PHACTR3: variants seen among roughly 807,000 people sequenced by gnomAD.
PHACTR3 encodes protein phosphatase 1, regulatory subunit 123.
Under a neutral mutation model 66.8 loss-of-function variants are expected in PHACTR3, and 16 were observed. The ratio of observed to expected loss-of-function variants is 0.24; its 90% confidence interval spans 0.16 to 0.36. PHACTR3 has a LOEUF of 0.36. Ranked by LOEUF, PHACTR3 falls within the 10% of genes least tolerant of loss-of-function variation. The probability of loss-of-function intolerance (pLI) is 1.00; values close to 1 mark genes in which losing one functional copy is unlikely to be tolerated. For missense variants in PHACTR3, 647 were observed against 719.9 expected, an observed-to-expected ratio of 0.90 and a Z score of 1.16; for synonymous variants, 323 against 292.1, an observed-to-expected ratio of 1.11 and a Z score of -1.08.
chr20:59,684,848 A>G (rs2036799209), intron 1 of PHACTR3, among the ~76,000 whole-genome samples: 1 of 152,210 alleles, frequency 6.6e-6, no homozygotes, highest in African/African-American at 2.4e-5. Flanking sequence ...GCTGAACACA[A>G]ACTGCTGGGC....
intron 4 of PHACTR3, among the ~76,000 whole-genome samples, chr20:59,760,481 A>G (rs927469525): frequency 2.0e-5 from 3 of 152,090 alleles, no homozygotes; most frequent in African/African-American, 4.8e-5. Context: ...TACTGTTCTC[A>G]TGGTAGTGAA....
rs192395087 is a variant in PHACTR3, at chr20:59,653,111, T to C, written c.118+47979T>C. ...ATTCAAAAAATTAAAAGGGAAAATATTCTTATAATTGAAGACAGATGGAAA... is the reference window on the plus strand; with the variant it reads ...ATTCAAAAAATTAAAAGGGAAAATACTCTTATAATTGAAGACAGATGGAAA... On this transcript the variant is annotated intron_variant, in intron 1 of 12. Transcript: ENST00000371015. Among the ~76,000 whole-genome samples, 4 of 152,306 alleles carry C rather than the reference T, an allele frequency of 2.6e-5. No homozygotes were observed. The East Asian group carries it at 7.7e-4, about 29-fold the overall frequency.
Position 59,808,391 on chromosome 20 carries a change from G to A in PHACTR3, c.1328+2197G>A, listed in dbSNP as rs115599765. Among the ~76,000 whole-genome samples the A allele has an allele frequency of 5.7e-3, 871 of 152,314 alleles. 9 individuals carry two copies. The highest frequency in any genetic ancestry group is 0.02 in the African/African-American group (825 of 41,554). The stretch of plus-strand genomic sequence containing the variant: ...TGGCAGGCTAACGTGTCTCGTGTGC[G>A]GTAGGAGAGGAAATTCTGATAAAGC... On this transcript the variant is annotated intron_variant, in intron 8 of 12. Coordinates refer to ENST00000371015, the MANE Select transcript of PHACTR3 (RefSeq NM_080672.5).
intron 1 of PHACTR3, chr20:59,676,670 G>A (rs1021384171): frequency 4.1e-6 from 4 of 984,958 alleles, no homozygotes; most frequent in Non-Finnish European, 4.8e-6. Context: ...GACCTTTCAG[G>A]GAGATTTGAG....
At chr20:59,774,842 T>C (rs2040474430) in intron 7 of PHACTR3, among the ~76,000 whole-genome samples, 1 of 151,088 alleles carries the variant, frequency 6.6e-6, no homozygotes, top group South Asian at 2.1e-4. Context: ...CAGTATATAG[T>C]TGGTGTACAG....
intron 1 of PHACTR3, chr20:59,577,754 C>T: frequency 1.9e-6 from 1 of 520,822 alleles, no homozygotes; most frequent in Non-Finnish European, 2.7e-6. Flanking sequence ...GCTGCGCCCC[C>T]AGCCACAGAG....
intron 1 of PHACTR3, among the ~76,000 whole-genome samples, chr20:59,611,732 C>T (rs2033854422): frequency 6.6e-6 from 1 of 152,220 alleles, no homozygotes; most frequent in Non-Finnish European, 1.5e-5. Flanking sequence ...TCCACCCAGC[C>T]TCGGATGTTG....
chr20:59,737,700 C>G (rs1365300390), intron 1 of PHACTR3, among the ~76,000 whole-genome samples: 4 of 152,164 alleles, frequency 2.6e-5, no homozygotes, highest in Non-Finnish European at 5.9e-5. Context: ...TACCTTTATT[C>G]ATTGTTCATC....
chr20:59,693,441 T>A (rs1454356111), intron 1 of PHACTR3, among the ~76,000 whole-genome samples: 1 of 152,168 alleles, frequency 6.6e-6, no homozygotes, highest in Non-Finnish European at 1.5e-5. Context: ...ATGTTTGACT[T>A]CACATCTATT....
intron 1 of PHACTR3, among the ~76,000 whole-genome samples, chr20:59,649,261 A>G (rs1172801943): frequency 6.6e-6 from 1 of 152,210 alleles, no homozygotes; most frequent in East Asian, 1.9e-4. Context: ...GGTTAGGGCA[A>G]AACAACTCTA....
intron 1 of PHACTR3, among the ~76,000 whole-genome samples, chr20:59,609,294 C>T (rs1424469815): frequency 2.0e-5 from 3 of 152,112 alleles, no homozygotes; most frequent in African/African-American, 7.2e-5. Context: ...TCTTTTATGC[C>T]ACTCTGCCAG....
At chr20:59,677,957 A>G (rs1601080623) in intron 1 of PHACTR3, among the ~76,000 whole-genome samples, 1 of 152,196 alleles carries the variant, frequency 6.6e-6, no homozygotes, top group Non-Finnish European at 1.5e-5. Flanking sequence ...CTCTCAGCAG[A>G]AGGAAGCATT....
intron 1 of PHACTR3, among the ~76,000 whole-genome samples, chr20:59,706,111 T>C (rs2037691608): frequency 6.6e-6 from 1 of 152,238 alleles, no homozygotes; most frequent in Non-Finnish European, 1.5e-5. Flanking sequence ...ATTAACTCAA[T>C]GGCCTCCAGA....
chr20:59,582,982 G>A (rs942667627), intron 1 of PHACTR3, among the ~76,000 whole-genome samples: 3 of 152,036 alleles, frequency 2.0e-5, no homozygotes, highest in East Asian at 3.9e-4. Context: ...TCTGCCTCGA[G>A]TTTAGAGTGA....
chr20:59,676,885 C>CTTT, intron 1 of PHACTR3: 2 of 160,602 alleles, frequency 1.2e-5, no homozygotes, highest in Non-Finnish European at 1.8e-5. Flanking sequence ...AAGAGAATGG[C>CTTT]TTTTTTTTTT....
rs34134572 is a variant in PHACTR3, at chr20:59,707,457, CTTTTT to C, written c.119-35633_119-35629del. The stretch of plus-strand genomic sequence containing the variant: ...CTTCTTTCTCTCTCTTGCTCCCACT[CTTTTT>C]TTTTTTTTTTTTTTTTGAGGCGGAG... On this transcript the variant is annotated intron_variant, in intron 1 of 12. Coordinates refer to ENST00000371015, the MANE Select transcript of PHACTR3 (RefSeq NM_080672.5). Among the ~76,000 whole-genome samples, 11 of 100,412 alleles carry C rather than the reference CTTTTT, an allele frequency of 1.1e-4. No individual in the cohort carries two copies. In the South Asian group the frequency reaches 2.9e-3, roughly 26 times the overall value. 65.9% of individuals were successfully genotyped at this position (100,412 alleles called of 152,430 possible).
intron 7 of PHACTR3, among the ~76,000 whole-genome samples, chr20:59,779,582 TTTTATTCA>T (rs1263033818): frequency 6.8e-4 from 104 of 152,358 alleles, no homozygotes; most frequent in African/African-American, 2.3e-3. Context: ...ACAACTACTA[TTTTATTCA>T]TTTATTCATT....
intron 7 of PHACTR3, among the ~76,000 whole-genome samples, chr20:59,791,484 C>G (rs1481478062): frequency 6.6e-6 from 1 of 152,174 alleles, no homozygotes; most frequent in Non-Finnish European, 1.5e-5. Context: ...CATTGGGAAG[C>G]AAATCACCCT....
intron 1 of PHACTR3, among the ~76,000 whole-genome samples, chr20:59,605,960 G>C (rs1019634099): frequency 6.6e-6 from 1 of 152,020 alleles, no homozygotes; most frequent in South Asian, 2.1e-4. Context: ...CACTTCACAG[G>C]GAGAAGTCTG....
Sources: gnomAD v4.1 joint callset for allele counts (sites outside exome capture counted in the v4.1 genomes callset) on GRCh38, gnomAD v4.1.1 for gene constraint, MANE v1.5 for transcripts, NCBI Gene and HGNC (gene_info 2026-07-23, HGNC 2026-07-21) for gene names.